The following COL6A5 variants were observed in gnomAD, a reference collection of about 807,000 sequenced individuals.
COL6A5 encodes the protein collagen type VI alpha 5 chain.
In COL6A5, 48 loss-of-function variants were observed where a neutral mutation model predicts 65.6. The observed-to-expected ratio is 0.73, with a 90% CI of 0.58 to 0.93. The LOEUF is 0.93. COL6A5 is among the 40% of genes least tolerant of loss of function. The pLI, the probability that COL6A5 is intolerant of heterozygous loss-of-function variation, is 0.00. For missense variants in COL6A5, 914 were observed against 928.3 expected, an observed-to-expected ratio of 0.98 and a Z score of 0.20; for synonymous variants, 291 against 322.8, an observed-to-expected ratio of 0.90 and a Z score of 1.05.
At chr3:130,372,702 G>T (rs1257083380) in intron 1 of COL6A5, among the ~76,000 whole-genome samples, 1 of 152,040 alleles carries the variant, frequency 6.6e-6, no homozygotes. Context: ...TATGGGTTTG[G>T]GGTTTCTTTT....
intron 4 of COL6A5, among the ~76,000 whole-genome samples, chr3:130,451,340 A>T (rs908262054): frequency 6.6e-6 from 1 of 152,064 alleles, no homozygotes; most frequent in Non-Finnish European, 1.5e-5. Flanking sequence ...TGAGGGTAAG[A>T]GGGTTGGACC....
chr3:130,369,932 C>T (rs897869147), intron 1 of COL6A5, among the ~76,000 whole-genome samples: 1 of 152,136 alleles, frequency 6.6e-6, no homozygotes, highest in Non-Finnish European at 1.5e-5. Flanking sequence ...TTTGAATTCC[C>T]AGTCAGCCTC....
At chr3:130,375,501 A>T (rs1455209951) in intron 2 of COL6A5, among the ~76,000 whole-genome samples, 1 of 151,884 alleles carries the variant, frequency 6.6e-6, no homozygotes, top group African/African-American at 2.4e-5. Flanking sequence ...AAGCACTTTC[A>T]TCTGAAATCC....
At chr3:130,439,702 C>T (rs1259922647) in intron 2 of COL6A5, 87 bp downstream of exon 34, 4 of 905,604 alleles carry the variant, frequency 4.4e-6, no homozygotes, top group South Asian at 1.6e-5. Context: ...CCAGAGATTT[C>T]TATTTTTAAT....
At chr3:130,374,413 C>T (rs1577440727) in intron 2 of COL6A5, among the ~76,000 whole-genome samples, 5 of 152,224 alleles carry the variant, frequency 3.3e-5, no homozygotes, top group Admixed American at 3.3e-4. Context: ...CACATTATGA[C>T]AGCTATGATG....
chr3:130,366,922 G>A (rs999059562), intron 1 of COL6A5, among the ~76,000 whole-genome samples: 4 of 152,304 alleles, frequency 2.6e-5, no homozygotes, highest in African/African-American at 9.6e-5. Context: ...ATAGTTGTTA[G>A]GGGGCTAATG....
At chr3:130,359,383 G>A (rs1389730185) in intron 1 of COL6A5, among the ~76,000 whole-genome samples, 1 of 151,780 alleles carries the variant, frequency 6.6e-6, no homozygotes, top group Non-Finnish European at 1.5e-5. Context: ...TTTTTTAGAA[G>A]CCTATGAAAT....
At chr3:130,472,858 T>TATATATATATATATAC (rs1198559167) in intron 7 of COL6A5, among the ~76,000 whole-genome samples, 19 of 141,848 alleles carry the variant, frequency 1.3e-4, no homozygotes, top group South Asian at 9.0e-4. Flanking sequence ...TATATATATA[T>TATATATATATATATAC]ACACATTTAT....
chr3:130,471,881 G>T (rs1057257403), intron 7 of COL6A5: 1 of 1,534,664 alleles, frequency 6.5e-7, no homozygotes, highest in South Asian at 1.2e-5. Flanking sequence ...AGCACATTTA[G>T]AAGAAATTTC....
At chr3:130,364,695 A>G (rs1230757597) in intron 1 of COL6A5, among the ~76,000 whole-genome samples, 1 of 152,216 alleles carries the variant, frequency 6.6e-6, no homozygotes, top group Non-Finnish European at 1.5e-5. Flanking sequence ...TGTGGATACT[A>G]TGATGCCTGG....
exon 6 of COL6A5, chr3:130,469,044 T>G (rs748024655): frequency 6.2e-7 from 1 of 1,612,906 alleles, no homozygotes; most frequent in South Asian, 1.1e-5. Context: ...CCAGGCTATA[T>G]GCCTAACACT....
At chr3:130,435,937 C>T (rs1160128094) in intron 1 of COL6A5, among the ~76,000 whole-genome samples, 2 of 152,040 alleles carry the variant, frequency 1.3e-5, no homozygotes, top group African/African-American at 4.8e-5. Context: ...CTTTCTCTTG[C>T]CTGATTGACC....
chr3:130,377,744 A>G (rs1415197556), intron 3 of COL6A5, among the ~76,000 whole-genome samples: 1 of 152,172 alleles, frequency 6.6e-6, no homozygotes, highest in African/African-American at 2.4e-5. Context: ...CCTTACCTGT[A>G]AAGTGAGGAT....
intron 4 of COL6A5, among the ~76,000 whole-genome samples, chr3:130,445,976 G>A (rs1454667005): frequency 6.6e-6 from 1 of 152,112 alleles, no homozygotes; most frequent in Non-Finnish European, 1.5e-5. Context: ...TATATTGAAA[G>A]TATGGGGTAT....
exon 4 of COL6A5, chr3:130,379,567 C>G: frequency 6.4e-7 from 1 of 1,551,358 alleles, no homozygotes; most frequent in South Asian, 1.2e-5. Context: ...AAATTGCATG[C>G]GACTTGGACT....
intron 7 of COL6A5, among the ~76,000 whole-genome samples, chr3:130,392,228 G>A (rs1429303808): frequency 6.6e-6 from 1 of 152,198 alleles, no homozygotes; most frequent in Non-Finnish European, 1.5e-5. Context: ...ATTCTAGAGA[G>A]GCATCAAAAT....
chr3:130,355,736 A>G (rs1030899763), intron 1 of COL6A5, among the ~76,000 whole-genome samples: 1 of 151,978 alleles, frequency 6.6e-6, no homozygotes, highest in Non-Finnish European at 1.5e-5. Context: ...ATAGTAGTGG[A>G]AAGTAAAGAA....
intron 2 of COL6A5, among the ~76,000 whole-genome samples, chr3:130,374,479 A>T (rs530714818): frequency 2.4e-4 from 37 of 152,200 alleles, no homozygotes; most frequent in African/African-American, 7.9e-4. Flanking sequence ...TTTGAGACAG[A>T]GTCTCACTCT....
At chr3:130,366,169 TAGA>T (rs1462809566) in intron 1 of COL6A5, among the ~76,000 whole-genome samples, 1 of 152,186 alleles carries the variant, frequency 6.6e-6, no homozygotes, top group Non-Finnish European at 1.5e-5. Flanking sequence ...TTGTGGCAAA[TAGA>T]AGGATTAGTA....
Sources: allele counts gnomAD v4.1 joint callset (sites outside exome capture counted in the v4.1 genomes callset), GRCh38; gene constraint gnomAD v4.1.1; transcripts MANE v1.5; gene names NCBI Gene and HGNC (gene_info 2026-07-23, HGNC 2026-07-21).